TPST1: variants seen among roughly 807,000 people sequenced by gnomAD.
The protein encoded by TPST1 is tyrosylprotein sulfotransferase 1, also known as protein-tyrosine sulfotransferase 1.
Under a neutral mutation model 34.8 loss-of-function variants are expected in TPST1, and 20 were observed. That is an observed-to-expected ratio of 0.57 (90% CI 0.40 to 0.84). TPST1 has a LOEUF of 0.84. Among genes scored for constraint, TPST1 ranks in the 40% least tolerant of loss-of-function variants. The pLI, the probability that TPST1 is intolerant of heterozygous loss-of-function variation, is 0.00. For synonymous variants in TPST1, 152 were observed against 159.4 expected (o/e 0.95, Z 0.35); for missense variants, 353 against 455.5 (o/e 0.78, Z 2.05).
At chr7:66,217,783 A>G (rs891731181) in intron 1 of TPST1, among the ~76,000 whole-genome samples, 1 of 151,492 alleles carries the variant, frequency 6.6e-6, no homozygotes, top group Non-Finnish European at 1.5e-5. Flanking sequence ...GTGGGGTTTC[A>G]CCATGTTGAC....
intron 1 of TPST1, among the ~76,000 whole-genome samples, chr7:66,216,671 T>C (rs1383773264): frequency 6.6e-6 from 1 of 152,198 alleles, no homozygotes; most frequent in Admixed American, 6.5e-5. Flanking sequence ...AGTTTCACCA[T>C]GTTAGCCAGG....
intron 3 of TPST1, among the ~76,000 whole-genome samples, chr7:66,334,267 AG>A (rs1243650587): frequency 6.6e-6 from 1 of 152,144 alleles, no homozygotes; most frequent in Non-Finnish European, 1.5e-5. Flanking sequence ...TAAAGACACT[AG>A]GGGGAGAGTG....
At chr7:66,217,664 C>G (rs535999050) in intron 1 of TPST1, among the ~76,000 whole-genome samples, 1 of 141,660 alleles carries the variant, frequency 7.1e-6, no homozygotes, top group East Asian at 2.2e-4. Flanking sequence ...GGTGTGATCT[C>G]GGCTCTGCCT....
intron 2 of TPST1, among the ~76,000 whole-genome samples, chr7:66,269,019 C>T (rs959059379): frequency 1.3e-5 from 2 of 152,194 alleles, no homozygotes; most frequent in Non-Finnish European, 1.5e-5. Context: ...TAGGAGAATA[C>T]AAGAAAGTAC....
At chr7:66,343,096 C>T (rs116432233) in intron 3 of TPST1, among the ~76,000 whole-genome samples, 335 of 152,240 alleles carry the variant, frequency 2.2e-3, no homozygotes, top group African/African-American at 7.3e-3. Flanking sequence ...GACACTCCCC[C>T]CACCACACAC....
At chr7:66,211,345 G>C (rs1420546832) in intron 1 of TPST1, among the ~76,000 whole-genome samples, 1 of 151,954 alleles carries the variant, frequency 6.6e-6, no homozygotes, top group Non-Finnish European at 1.5e-5. Flanking sequence ...TATTGAGGCT[G>C]GTCTCGAACT....
chr7:66,278,151 A>T (rs1364722130), intron 2 of TPST1, among the ~76,000 whole-genome samples: 1 of 145,586 alleles, frequency 6.9e-6, no homozygotes, highest in Non-Finnish European at 1.5e-5. Context: ...CAGGTGAGAG[A>T]TGTTTGCTTG....
chr7:66,240,977 A>T lies in TPST1; in HGVS notation c.552A>T (p.Arg184=). 6.2e-7 allele frequency: 1 copy of T among 1,614,234 alleles called. No individual in the cohort carries two copies. The highest frequency in any genetic ancestry group is 1.1e-5 in the South Asian group (1 of 91,086). ...FPNAKFLLMV[R]DGRASVHSMI... is the part of the protein sequence containing the mutation. ...ATGCCAAATTTCTCCTGATGGTCCG[A>T]GATGGCCGGGCATCAGTACATTCAA... The change falls in exon 2 of 6, where the codon CGA becomes CGT. Residue 184 remains arginine, a synonymous_variant. Coordinates refer to ENST00000304842, the MANE Select transcript of TPST1 (RefSeq NM_003596.4).
intron 1 of TPST1, among the ~76,000 whole-genome samples, chr7:66,207,818 A>G (rs1337491089): frequency 2.6e-5 from 4 of 152,126 alleles, no homozygotes; most frequent in Non-Finnish European, 4.4e-5. Flanking sequence ...CTCTCCACCC[A>G]TAGCCCCCTT....
chr7:66,329,733 G>T (rs564350287), intron 3 of TPST1, among the ~76,000 whole-genome samples: 1 of 152,294 alleles, frequency 6.6e-6, no homozygotes, highest in African/African-American at 2.4e-5. Flanking sequence ...TAAAGAAAAT[G>T]TGTACATATA....
chr7:66,351,251 C>G (rs1463423132), intron 3 of TPST1, among the ~76,000 whole-genome samples: 1 of 152,186 alleles, frequency 6.6e-6, no homozygotes, highest in Non-Finnish European at 1.5e-5. Context: ...TGAGATTCAT[C>G]TGTGTTGTTG....
chr7:66,274,106 C>T (rs908748163), intron 2 of TPST1, among the ~76,000 whole-genome samples: 31 of 150,604 alleles, frequency 2.1e-4, no homozygotes, highest in Non-Finnish European at 1.5e-4. Context: ...CGGTGGCTGA[C>T]GCCTGTAATC....
chr7:66,201,689 T>A (rs527703369), upstream of TPST1, among the ~76,000 whole-genome samples: 29 of 143,274 alleles, frequency 2.0e-4, no homozygotes, highest in Middle Eastern at 0.014. Flanking sequence ...AGACTCTGTC[T>A]AAAAAAAAAA....
At chr7:66,206,733 A>G (rs550120310) in intron 1 of TPST1, among the ~76,000 whole-genome samples, 4 of 152,124 alleles carry the variant, frequency 2.6e-5, no homozygotes, top group Admixed American at 6.6e-5. Context: ...CTAAAGTGGC[A>G]TAGTATATAA....
At chr7:66,202,182 A>G (rs1355022040), upstream of TPST1, among the ~76,000 whole-genome samples, 1 of 152,110 alleles carries the variant, frequency 6.6e-6, no homozygotes, top group African/African-American at 2.4e-5. Flanking sequence ...GTGTTGGGGC[A>G]GATTTAGAAA....
At chr7:66,278,102 A>G (rs1217097545) in intron 2 of TPST1, among the ~76,000 whole-genome samples, 1 of 97,406 alleles carries the variant, frequency 1.0e-5, no homozygotes, top group Admixed American at 1.0e-4. Context: ...CTCCATCTCA[A>G]AAAAAAAAAA....
chr7:66,235,224 C>T (rs1476293533), intron 1 of TPST1, among the ~76,000 whole-genome samples: 2 of 139,722 alleles, frequency 1.4e-5, no homozygotes, highest in Non-Finnish European at 3.0e-5. Flanking sequence ...CTTGCTCTGT[C>T]GCCCAGACTG....
At chr7:66,219,444 A>G (rs1002948673) in intron 1 of TPST1, among the ~76,000 whole-genome samples, 5 of 152,192 alleles carry the variant, frequency 3.3e-5, no homozygotes, top group Non-Finnish European at 7.4e-5. Context: ...GTCCAAATCT[A>G]GTTCTCCATT....
chr7:66,201,689 TAA>T (rs879268756), upstream of TPST1, among the ~76,000 whole-genome samples: 2 of 143,184 alleles, frequency 1.4e-5, no homozygotes, highest in African/African-American at 2.5e-5. Flanking sequence ...AGACTCTGTC[TAA>T]AAAAAAAAAA....
Sources: allele counts gnomAD v4.1 joint callset (sites outside exome capture counted in the v4.1 genomes callset), GRCh38; gene constraint gnomAD v4.1.1; transcripts MANE v1.5; gene names NCBI Gene and HGNC (gene_info 2026-07-23, HGNC 2026-07-21).